The following FNIP2 variants were observed in gnomAD, a reference collection of about 807,000 sequenced individuals.
The protein encoded by FNIP2 is folliculin interacting protein 2, also known as folliculin-interacting protein 2.
FNIP2 carries 32 observed loss-of-function variants against 108.7 expected under a neutral mutation model. That is an observed-to-expected ratio of 0.29 (90% CI 0.22 to 0.40). FNIP2 has a LOEUF of 0.40. Among genes scored for constraint, FNIP2 ranks in the 10% least tolerant of loss-of-function variants. The probability of loss-of-function intolerance (pLI) is 1.00; values close to 1 mark genes in which losing one functional copy is unlikely to be tolerated. For synonymous variants in FNIP2, 480 were observed against 496.7 expected, an observed-to-expected ratio of 0.97 and a Z score of 0.45; for missense variants, 1,202 against 1,381.6, an observed-to-expected ratio of 0.87 and a Z score of 2.06.
At chr4:158,770,069 A>C (rs1178457333) in intron 1 of FNIP2, among the ~76,000 whole-genome samples, 1 of 152,156 alleles carries the variant, frequency 6.6e-6, no homozygotes, top group African/African-American at 2.4e-5. Context: ...GGTGGGTGCT[A>C]TTATAATTCC....
chr4:158,875,514 T>TTATATATATATATATATATATATATA (rs1342784343), intron 14 of FNIP2, among the ~76,000 whole-genome samples: 1 of 8,714 alleles, frequency 1.1e-4, no homozygotes, highest in Non-Finnish European at 1.9e-4. Context: ...AGCCTGGCTG[T>TTATATATATATATATATATATATATA]GATATATATA....
intron 1 of FNIP2, among the ~76,000 whole-genome samples, chr4:158,805,108 A>G (rs1209379010): frequency 6.6e-5 from 10 of 152,220 alleles, no homozygotes; most frequent in African/African-American, 2.2e-4. Context: ...ATTAAAAGTA[A>G]TGGCAAAAAC....
chr4:158,871,478 C>T (rs17286116), intron 14 of FNIP2: 354,986 of 985,018 alleles, frequency 0.36, 65,626 homozygotes, highest in Non-Finnish European at 0.38. Context: ...CTGTGAAGAC[C>T]AAACATCAGG....
rs973331339 is a variant in FNIP2 at position 158,904,814 on chromosome 4, A to G, written c.*270A>G. ...AGAAACTGACCTTTTTGGTAGGAGGAAACATAAGCACTAAACACTAAGCTG... is the reference window on the plus strand; with the variant it reads ...AGAAACTGACCTTTTTGGTAGGAGGGAACATAAGCACTAAACACTAAGCTG... On this transcript the variant is annotated 3_prime_UTR_variant, in exon 17 of 17. Transcript: ENST00000264433. 2.4e-6 allele frequency: 1 copy of G among 415,914 alleles called. No individual in the cohort carries two copies. Among genetic ancestry groups the G allele is most frequent in the Non-Finnish European group, 4.4e-6 (1 of 224,892 alleles). The allele number at this position is 415,914 out of a possible 1,614,324, so 25.8% of individuals were successfully genotyped here. A position where few individuals can be genotyped will look rare whatever the true frequency, so the allele number is the denominator to read the frequency against.
chr4:158,815,120 G>T (rs918969650), intron 1 of FNIP2, among the ~76,000 whole-genome samples: 1 of 152,234 alleles, frequency 6.6e-6, no homozygotes. Context: ...AACAGCACTT[G>T]TAAGGTTGGT....
chr4:158,904,356 T>A (rs544122025), intron 16 of FNIP2, 110 bp from the exon 17 acceptor site: 1 of 925,668 alleles, frequency 1.1e-6, no homozygotes, highest in African/African-American at 1.7e-5. Context: ...TAAATGATAA[T>A]CTATCAAACT....
rs542191935 is a variant in FNIP2, at chr4:158,850,886, A to G, written c.728-435A>G. On this transcript the variant is annotated intron_variant, in intron 7 of 16. Transcript: ENST00000264433. ...GAGCAATGATTATTTTGCATTTGTAATATGGGCCTGCTAATTTGTGCACTT... is the reference window on the plus strand; with the variant it reads ...GAGCAATGATTATTTTGCATTTGTAGTATGGGCCTGCTAATTTGTGCACTT... Among the ~76,000 whole-genome samples the G allele has an allele frequency of 2.0e-5, 3 of 152,034 alleles. No homozygotes were observed. The South Asian group carries it at 6.2e-4, about 32-fold the overall frequency.
intron 1 of FNIP2, among the ~76,000 whole-genome samples, chr4:158,783,847 A>T (rs941247154): frequency 2.0e-5 from 3 of 152,158 alleles, no homozygotes; most frequent in African/African-American, 7.2e-5. Context: ...CAAAACTTAC[A>T]AGTAATGAAG....
At position 158,891,724 on chromosome 4, in the gene FNIP2, A is replaced by G. The variant is rs1019083783; in HGVS notation, c.3150+78A>G. 11 of 1,315,716 alleles carry G rather than the reference A, an allele frequency of 8.4e-6. No homozygotes were observed. In the African/African-American group the frequency reaches 8.9e-5, roughly 11 times the overall value. The allele number at this position is 1,315,716 out of a possible 1,614,324, so 81.5% of individuals were successfully genotyped here. On this transcript the variant is annotated intron_variant, in intron 15 of 16. Transcript: ENST00000264433. ...ACGACATTTTGATTATAAAATCACA[A>G]ATTCAAAAGTACTGTTTTAATATAA...
At chr4:158,887,028 A>G (rs1782055180) in intron 14 of FNIP2, among the ~76,000 whole-genome samples, 1 of 152,124 alleles carries the variant, frequency 6.6e-6, no homozygotes, top group Non-Finnish European at 1.5e-5. Context: ...CTTAAGGTGT[A>G]TGGGAGGCCA....
chr4:158,832,370 C>T (rs142360793), intron 5 of FNIP2, among the ~76,000 whole-genome samples: 1 of 152,260 alleles, frequency 6.6e-6, no homozygotes, highest in African/African-American at 2.4e-5. Flanking sequence ...TTTGAGTCTC[C>T]ATCTGTTACC....
rs1729930851 is a variant in FNIP2 at position 158,907,383 on chromosome 4, C to T, written c.*2839C>T. On this transcript the variant is annotated 3_prime_UTR_variant, in exon 17 of 17. Transcript: ENST00000264433. ...ACATCCCATGGAACTGCCGTTTACA[C>T]ATTGCAACTTTTTAAACTTAACCAT... The T allele has an allele frequency of 6.6e-6, 1 of 152,164 alleles. No homozygotes were observed. The highest frequency in any genetic ancestry group is 2.1e-4 in the South Asian group (1 of 4,836). 9.4% of individuals were successfully genotyped at this position (152,164 alleles called of 1,614,324 possible). A position where few individuals can be genotyped will look rare whatever the true frequency, so the allele number is the denominator to read the frequency against.
At chr4:158,782,885 A>G (rs1251818938) in intron 1 of FNIP2, among the ~76,000 whole-genome samples, 2 of 152,242 alleles carry the variant, frequency 1.3e-5, no homozygotes, top group African/African-American at 4.8e-5. Context: ...GGAAGCGCAC[A>G]ACCTCTGCTT....
At chr4:158,864,849 C>A (rs990705830) in intron 12 of FNIP2, among the ~76,000 whole-genome samples, 1 of 152,154 alleles carries the variant, frequency 6.6e-6, no homozygotes, top group South Asian at 2.1e-4. Flanking sequence ...AGTTCTCTAT[C>A]ATTTTGCACC....
intron 1 of FNIP2, among the ~76,000 whole-genome samples, chr4:158,784,709 G>A (rs1423999282): frequency 6.6e-6 from 1 of 152,094 alleles, no homozygotes; most frequent in Non-Finnish European, 1.5e-5. Flanking sequence ...AGAATCCAAT[G>A]CCACCACTGA....
intron 10 of FNIP2, among the ~76,000 whole-genome samples, chr4:158,860,653 AC>A (rs1209036442): frequency 1.6e-4 from 19 of 120,172 alleles, no homozygotes; most frequent in African/African-American, 5.8e-4. Context: ...TCTGGGTCCC[AC>A]TTTTTTTTTT....
At chr4:158,843,164 A>G (rs960008305) in intron 7 of FNIP2, among the ~76,000 whole-genome samples, 42 of 152,194 alleles carry the variant, frequency 2.8e-4, no homozygotes, top group African/African-American at 9.4e-4. Flanking sequence ...AAACATATAT[A>G]AAAAGTGCTC....
At chr4:158,851,226 T>C (rs1432018751) in intron 7 of FNIP2, 95 bp from the exon 8 acceptor site, 6 of 1,383,586 alleles carry the variant, frequency 4.3e-6, no homozygotes, top group Non-Finnish European at 6.1e-6. Flanking sequence ...AAATGTAGAG[T>C]TCAGTGATAT....
At chr4:158,878,836 A>G (rs1375535338) in intron 14 of FNIP2, among the ~76,000 whole-genome samples, 1 of 152,198 alleles carries the variant, frequency 6.6e-6, no homozygotes, top group Non-Finnish European at 1.5e-5. Flanking sequence ...AGAGAGGATA[A>G]TGTGATAAAT....
Sources: allele counts gnomAD v4.1 joint callset (sites outside exome capture counted in the v4.1 genomes callset), GRCh38; gene constraint gnomAD v4.1.1; transcripts MANE v1.5; gene names NCBI Gene and HGNC (gene_info 2026-07-23, HGNC 2026-07-21).